RLF: variants seen among roughly 807,000 people sequenced by gnomAD.
The protein encoded by RLF is RLF zinc finger.
RLF carries 7 observed loss-of-function variants against 162.9 expected under a neutral mutation model. The observed-to-expected ratio is 0.04, with a 90% CI of 0.02 to 0.08. RLF has a LOEUF of 0.08. Among genes scored for constraint, RLF ranks in the 10% least tolerant of loss-of-function variants. The pLI, the probability that RLF is intolerant of heterozygous loss-of-function variation, is 1.00. For missense variants in RLF, 1,664 were observed against 2,244.7 expected (o/e 0.74, Z 5.23); for synonymous variants, 782 against 791.5 (o/e 0.99, Z 0.20).
At chr1:40,214,935 A>C (rs1330484314) in intron 5 of RLF, among the ~76,000 whole-genome samples, 5 of 150,074 alleles carry the variant, frequency 3.3e-5, no homozygotes, top group Non-Finnish European at 5.9e-5. Flanking sequence ...AAAAAAAAAA[A>C]AAAAAAAAAA....
chr1:40,172,798 T>G (rs1642263683), intron 1 of RLF, among the ~76,000 whole-genome samples: 1 of 152,012 alleles, frequency 6.6e-6, no homozygotes, highest in African/African-American at 2.4e-5. Flanking sequence ...AAGAGGATGT[T>G]TAAGTTTTGA....
chr1:40,224,433 C>T (rs375463717), intron 6 of RLF, among the ~76,000 whole-genome samples: 1 of 150,422 alleles, frequency 6.6e-6, no homozygotes. Context: ...CACACTGCCA[C>T]GCCCGACTAA....
intron 1 of RLF, among the ~76,000 whole-genome samples, chr1:40,169,783 C>T (rs1341224759): frequency 1.3e-5 from 2 of 150,188 alleles, no homozygotes; most frequent in Non-Finnish European, 3.0e-5. Flanking sequence ...ACCTCCGCCT[C>T]CCGGGTTCAA....
Position 40,240,284 on chromosome 1 carries a change from G to A in RLF, c.5582G>A (p.Arg1861Lys), listed in dbSNP as rs760483286. ...TTTVPSLENL[R>K]VVLDKALTDC... ...ACAGTTCCTTCCTTGGAAAACCTGA[G>A]GGTTGTATTGGACAAAGCATTAACA... Residue 1861 changes from arginine (R) to lysine (K), a missense_variant, in exon 8 of 8, where the codon AGG (arginine) becomes AAG (lysine). By Grantham distance (26) the Arg-to-Lys change is conservative. Transcript: ENST00000372771. 6.2e-7 allele frequency: 1 copy of A among 1,614,066 alleles called. No individual in the cohort carries two copies. The highest frequency in any genetic ancestry group is 1.3e-5 in the African/African-American group (1 of 74,930).
intron 5 of RLF, among the ~76,000 whole-genome samples, chr1:40,219,539 T>G (rs1642966093): frequency 6.6e-6 from 1 of 152,156 alleles, no homozygotes; most frequent in African/African-American, 2.4e-5. Context: ...TGTTATTAGC[T>G]CAGATAAGTG....
chr1:40,178,719 G>T (rs1230868994), intron 1 of RLF, among the ~76,000 whole-genome samples: 4 of 136,852 alleles, frequency 2.9e-5, no homozygotes, highest in African/African-American at 1.1e-4. Context: ...ATGAGGGCTT[G>T]ATATAGTTAG....
intron 1 of RLF, among the ~76,000 whole-genome samples, chr1:40,175,285 A>C (rs1459655777): frequency 6.6e-6 from 1 of 152,040 alleles, no homozygotes; most frequent in Non-Finnish European, 1.5e-5. Flanking sequence ...CATTTGGATC[A>C]ATCTTGTGTT....
chr1:40,190,951 T>TATATCAA (rs1233725799), intron 3 of RLF, 98 bp downstream of exon 3: 1 of 611,038 alleles, frequency 1.6e-6, no homozygotes, highest in East Asian at 3.0e-5. Flanking sequence ...AAAAACAAGT[T>TATATCAA]TATTATATAT....
chr1:40,230,134 AAAG>A (rs1455376998), intron 6 of RLF, among the ~76,000 whole-genome samples: 2 of 152,018 alleles, frequency 1.3e-5, no homozygotes, highest in African/African-American at 4.8e-5. Context: ...AAAAAGAAGA[AAAG>A]AAAATCACCT....
At chr1:40,167,033 A>T (rs921775537) in intron 1 of RLF, among the ~76,000 whole-genome samples, 14 of 152,224 alleles carry the variant, frequency 9.2e-5, no homozygotes, top group African/African-American at 2.9e-4. Context: ...CTATAAAGGA[A>T]CAGGATAGGA....
chr1:40,214,403 C>T (rs1277640345), intron 5 of RLF, among the ~76,000 whole-genome samples: 1 of 152,150 alleles, frequency 6.6e-6, no homozygotes, highest in Non-Finnish European at 1.5e-5. Context: ...AAATAAATCT[C>T]ATAAGAATAT....
intron 1 of RLF, among the ~76,000 whole-genome samples, chr1:40,163,189 A>T (rs1642120717): frequency 6.6e-6 from 1 of 152,218 alleles, no homozygotes; most frequent in Non-Finnish European, 1.5e-5. Context: ...AGGCCACTTT[A>T]GTTAGTAAGA....
chr1:40,212,855 G>C (rs1199739182), intron 5 of RLF, among the ~76,000 whole-genome samples: 1 of 152,164 alleles, frequency 6.6e-6, no homozygotes, highest in Non-Finnish European at 1.5e-5. Flanking sequence ...TGGGAATTCA[G>C]TTTGGGAGTA....
Position 40,195,668 on chromosome 1 carries a change from A to C in RLF, c.511A>C (p.Asn171His). The C allele has an allele frequency of 6.2e-7, 1 of 1,613,214 alleles. No individual in the cohort carries two copies. The highest frequency in any genetic ancestry group is 8.5e-7 in the Non-Finnish European group (1 of 1,179,376). Residue 171 changes from asparagine to histidine, a missense_variant, in exon 4 of 8, where the codon AAC (asparagine) becomes CAC (histidine). By Grantham distance (68) the Asn-to-His change is moderately conservative (BLOSUM62 1). This residue lies in a region of RLF where 287 missense variants were observed against 404.9 expected (regional missense o/e 0.71). Transcript: ENST00000372771. ...HDALLEFGNN[N>H]LQILVHVTKE... ...TGCATTATTGGAATTTGGGAATAAT[A>C]ACCTACAAATATTGGTTCATGTTAC...
intron 3 of RLF, among the ~76,000 whole-genome samples, chr1:40,193,663 T>C (rs1280976295): frequency 6.6e-6 from 1 of 152,220 alleles, no homozygotes. Flanking sequence ...TTGTTAAATA[T>C]TGCTATTGGT....
In RLF at chr1:40,239,622, T is replaced by C. The variant is rs1456735560; in HGVS notation, c.4920T>C (p.Asp1640=). 1 of 1,614,106 alleles carries C rather than the reference T, an allele frequency of 6.2e-7. No individual in the cohort carries two copies. The highest frequency in any genetic ancestry group is 8.5e-7 in the Non-Finnish European group (1 of 1,180,008). The change falls in exon 8 of 8, where the codon GAT becomes GAC. Residue 1640 remains aspartate (D), a synonymous_variant. Transcript: ENST00000372771. ...GTAGTGCACCCATCCAGAACACTGA[T>C]TGCTGTCATTCAAGTGAAAGGGATG... ...GDSSAPIQNT[D]CCHSSERDGG... is the part of the protein sequence containing the mutation.
At chr1:40,224,186 A>C (rs186306371) in intron 6 of RLF, among the ~76,000 whole-genome samples, 16 of 152,242 alleles carry the variant, frequency 1.1e-4, no homozygotes, top group African/African-American at 3.9e-4. Flanking sequence ...GGAAGAGATG[A>C]ATGGAGATTT....
chr1:40,212,019 G>T (rs1204116769), intron 5 of RLF, among the ~76,000 whole-genome samples: 1 of 152,246 alleles, frequency 6.6e-6, no homozygotes, highest in Non-Finnish European at 1.5e-5. Flanking sequence ...AAAATTACTA[G>T]TGAGTCACCA....
At chr1:40,202,768 C>T (rs746568136) in intron 5 of RLF, among the ~76,000 whole-genome samples, 154 bp downstream of exon 5, 4 of 151,738 alleles carry the variant, frequency 2.6e-5, no homozygotes, top group Non-Finnish European at 4.4e-5. Flanking sequence ...TTTAACTGCT[C>T]GACAGATAGA....
Sources: allele counts gnomAD v4.1 joint callset (sites outside exome capture counted in the v4.1 genomes callset), GRCh38; gene constraint gnomAD v4.1.1; regional missense constraint gnomAD v4.1.1; transcripts MANE v1.5; gene names NCBI Gene and HGNC (gene_info 2026-07-23, HGNC 2026-07-21).